LRRC20: variants seen among roughly 807,000 people sequenced by gnomAD.
The protein encoded by LRRC20 is leucine-rich repeat-containing protein 20.
A neutral mutation model predicts 14.4 loss-of-function variants in LRRC20; 11 were observed. That is an observed-to-expected ratio of 0.77 (90% confidence interval 0.48 to 1.27). The LOEUF is 1.27. LRRC20 is among the 50% of genes most tolerant of loss of function. The probability of loss-of-function intolerance (pLI) is 0.00; values close to 1 mark genes in which losing one functional copy is unlikely to be tolerated. For missense variants in LRRC20, 219 were observed against 251.2 expected (o/e 0.87, Z 0.87); for synonymous variants, 121 against 107.3 (o/e 1.13, Z -0.79).
In LRRC20 at chr10:70,323,963, C is replaced by T. The variant is rs1192555370; in HGVS notation, c.300G>A (p.Lys100=). The change falls in exon 4 of 5, where the codon AAG becomes AAA. Residue 100 remains lysine (K), a synonymous_variant. Coordinates refer to ENST00000446961, the MANE Select transcript of LRRC20 (RefSeq NM_001278212.2). The part of the protein sequence containing the change: ...PSEVSALQHL[K]AIDLSRNQFQ... ...ACTGGTTCCGGGACAGGTCAATGGC[C>T]TTGAGGTGCTGCAGGGCACTGACCT... 1.2e-6 allele frequency: 2 copies of T among 1,614,216 alleles called. No homozygotes were observed. The highest frequency in any genetic ancestry group is 1.7e-5 in the Admixed American group (1 of 60,026).
At chr10:70,369,919 A>C (rs1041910546) in intron 2 of LRRC20, among the ~76,000 whole-genome samples, 27 of 152,124 alleles carry the variant, frequency 1.8e-4, no homozygotes, top group Non-Finnish European at 3.2e-4. Flanking sequence ...ATCTCTGCTA[A>C]ATATACAAAA....
chr10:70,382,401 C>G (rs1340181501), intron 1 of LRRC20, 148 bp downstream of exon 1: 1 of 152,384 alleles, frequency 6.6e-6, no homozygotes, highest in Admixed American at 6.5e-5. Context: ...CACCGGGTGA[C>G]CTGGGGGAGG....
At chr10:70,304,662 G>C (rs1212620135) in intron 4 of LRRC20, among the ~76,000 whole-genome samples, 1 of 151,502 alleles carries the variant, frequency 6.6e-6, no homozygotes, top group African/African-American at 2.4e-5. Flanking sequence ...TCCAGAACTC[G>C]ATCTTGCAAA....
chr10:70,330,491 T>C (rs1029978905), intron 3 of LRRC20, among the ~76,000 whole-genome samples: 3 of 152,186 alleles, frequency 2.0e-5, no homozygotes, highest in African/African-American at 7.2e-5. Context: ...GACAGCAGGT[T>C]CCTGGGGATG....
chr10:70,355,897 A>AAGC (rs80295357), intron 2 of LRRC20, among the ~76,000 whole-genome samples: 13 of 151,968 alleles, frequency 8.6e-5, no homozygotes, highest in Non-Finnish European at 1.9e-4. Context: ...CCTCTGACAA[A>AAGC]CGCACACACG....
At chr10:70,341,803 C>T (rs752362702) in intron 2 of LRRC20, among the ~76,000 whole-genome samples, 8 of 151,952 alleles carry the variant, frequency 5.3e-5, no homozygotes, top group Non-Finnish European at 1.0e-4. Context: ...AAATGAAGTA[C>T]CAATGTATGT....
At chr10:70,367,999 T>TATGTTATGTTATGCTATGTTATGTTATG (rs1403701408) in intron 2 of LRRC20, among the ~76,000 whole-genome samples, 2 of 145,942 alleles carry the variant, frequency 1.4e-5, no homozygotes, top group African/African-American at 5.1e-5. Context: ...TATGTTATTT[T>TATGTTATGTTATGCTATGTTATGTTATG]TTGAGATGGA....
rs534671344 is a variant in LRRC20, at chr10:70,311,163, G to A, written c.401-9655C>T. Among the ~76,000 whole-genome samples, 8 of 151,770 alleles carry A rather than the reference G, an allele frequency of 5.3e-5. No individual in the cohort carries two copies. In the South Asian group the frequency reaches 1.3e-3, roughly 24 times the overall value. On this transcript the variant is annotated intron_variant, in intron 4 of 4. Coordinates refer to ENST00000446961, the MANE Select transcript of LRRC20 (RefSeq NM_001278212.2). ...TGGCTGCATCATAATCCATGGGATGGATGTACCACTTTGACTCCTGTTCTT... is the reference window on the plus strand; with the variant it reads ...TGGCTGCATCATAATCCATGGGATGAATGTACCACTTTGACTCCTGTTCTT...
chr10:70,315,196 C>T (rs143214496), intron 4 of LRRC20, among the ~76,000 whole-genome samples: 2 of 152,254 alleles, frequency 1.3e-5, no homozygotes, highest in East Asian at 3.9e-4. Flanking sequence ...CGGGACAATG[C>T]CAGGAGCTCC....
chr10:70,330,721 C>T (rs1227659534), intron 3 of LRRC20, among the ~76,000 whole-genome samples: 1 of 152,206 alleles, frequency 6.6e-6, no homozygotes, highest in Non-Finnish European at 1.5e-5. Context: ...GCAAGTTCTT[C>T]CCAGCCATCC....
chr10:70,347,327 A>G (rs1360547139), intron 2 of LRRC20, among the ~76,000 whole-genome samples: 1 of 152,162 alleles, frequency 6.6e-6, no homozygotes, highest in Non-Finnish European at 1.5e-5. Flanking sequence ...CACTCCCCAC[A>G]GTAGGGAGAG....
At position 70,355,339 on chromosome 10, in the gene LRRC20, C is replaced by CAGAA. The variant is rs1394398243; in HGVS notation, c.83-14638_83-14637insTTCT. 3.3e-5 allele frequency among the ~76,000 whole-genome samples: 5 copies of CAGAA among 152,298 alleles called. No homozygotes were observed. The South Asian group carries it at 6.2e-4, about 19-fold the overall frequency. On this transcript the variant is annotated intron_variant, in intron 2 of 4. Transcript: ENST00000446961. ...CCCCTCCCCCAGGGACAACCACTTT[C>CAGAA]AGGTCTTTGGGGGTGTTTTACTCCC...
At chr10:70,365,001 C>T (rs1482147550) in intron 2 of LRRC20, among the ~76,000 whole-genome samples, 1 of 150,694 alleles carries the variant, frequency 6.6e-6, no homozygotes, top group Non-Finnish European at 1.5e-5. Flanking sequence ...AAAGAAGAAT[C>T]AGACACAGTT....
intron 2 of LRRC20, among the ~76,000 whole-genome samples, chr10:70,364,920 C>G (rs115152891): frequency 6.6e-6 from 1 of 152,192 alleles, no homozygotes; most frequent in African/African-American, 2.4e-5. Flanking sequence ...CCTGCCCCAC[C>G]CCGCAGCAGC....
At chr10:70,308,524 C>T (rs757256996) in intron 4 of LRRC20, among the ~76,000 whole-genome samples, 9 of 152,156 alleles carry the variant, frequency 5.9e-5, no homozygotes, top group African/African-American at 1.4e-4. Context: ...GCCCAGTCCA[C>T]GGCCTTGAAT....
chr10:70,378,472 G>T (rs538731314), intron 1 of LRRC20, among the ~76,000 whole-genome samples: 4 of 142,792 alleles, frequency 2.8e-5, no homozygotes, highest in Admixed American at 1.4e-4. Context: ...GTAAAACTCC[G>T]TCTCTACTAA....
At chr10:70,339,171 T>C (rs1842821631) in intron 3 of LRRC20, among the ~76,000 whole-genome samples, 1 of 152,184 alleles carries the variant, frequency 6.6e-6, no homozygotes, top group African/African-American at 2.4e-5. Context: ...TTCAAAGAAG[T>C]AGACTATTGT....
chr10:70,356,517 C>CT (rs1221545878), intron 2 of LRRC20, among the ~76,000 whole-genome samples: 2 of 146,750 alleles, frequency 1.4e-5, no homozygotes, highest in African/African-American at 2.5e-5. Context: ...CCTTTTGAGA[C>CT]TTTGTCTCAA....
chr10:70,304,915 T>C (rs1042623312), intron 4 of LRRC20, among the ~76,000 whole-genome samples: 6 of 152,214 alleles, frequency 3.9e-5, no homozygotes, highest in Admixed American at 3.9e-4. Context: ...CCAGCCACGG[T>C]GGCTCACACC....
Sources: allele counts gnomAD v4.1 joint callset (sites outside exome capture counted in the v4.1 genomes callset), GRCh38; gene constraint gnomAD v4.1.1; transcripts MANE v1.5; gene names NCBI Gene and HGNC (gene_info 2026-07-23, HGNC 2026-07-21).